Variants in RFX4 observed in about 807,000 individuals in gnomAD.
RFX4 encodes regulatory factor X4, also known as transcription factor RFX4.
RFX4 carries 10 observed loss-of-function variants against 95.0 expected under a neutral mutation model. That is an observed-to-expected ratio of 0.11 (90% CI 0.06 to 0.18). RFX4 has a LOEUF of 0.18. Among genes scored for constraint, RFX4 ranks in the 10% least tolerant of loss-of-function variants. The pLI is 1.00. For missense variants in RFX4, 640 were observed against 922.0 expected (o/e 0.69, Z 3.96); for synonymous variants, 321 against 340.7 (o/e 0.94, Z 0.64).
At position 106,586,261 on chromosome 12, in the gene RFX4, C is replaced by A. The variant is rs149043501; in HGVS notation, c.43+2898C>A. 6.6e-6 allele frequency among the ~76,000 whole-genome samples: 1 copy of A among 152,080 alleles called. No individual in the cohort carries two copies. Among genetic ancestry groups the A allele is most frequent in the Non-Finnish European group, 1.5e-5 (1 of 67,992 alleles). Reference sequence around the variant, plus strand: ...GCGCAGGCGCGCGTCCCGCTCGGCCCGCGCTACAGCCCCACGCCGCGCAAA... The same window carrying A: ...GCGCAGGCGCGCGTCCCGCTCGGCCAGCGCTACAGCCCCACGCCGCGCAAA... On this transcript the variant is annotated intron_variant, in intron 1 of 17. Transcript: ENST00000392842. The surrounding 1 kb of genome is among the most constrained non-coding windows in gnomAD (Gnocchi z 5.6).
intron 1 of RFX4, among the ~76,000 whole-genome samples, chr12:106,603,021 T>C (rs1409201302): frequency 1.3e-5 from 2 of 152,240 alleles, no homozygotes; most frequent in African/African-American, 4.8e-5. Context: ...CTGTGTAATA[T>C]ATGTGTGTCC....
intron 13 of RFX4, among the ~76,000 whole-genome samples, chr12:106,726,547 AC>A (rs1444442775): frequency 6.6e-6 from 1 of 152,244 alleles, no homozygotes; most frequent in East Asian, 1.9e-4. Context: ...CCTAAAAAAG[AC>A]AAAGACCTTA....
intron 2 of RFX4, among the ~76,000 whole-genome samples, chr12:106,628,952 T>C (rs1445471551): frequency 6.6e-6 from 1 of 151,888 alleles, no homozygotes; most frequent in African/African-American, 2.4e-5. Flanking sequence ...AGAGGCAAGG[T>C]CTTGCCGTGT....
chr12:106,690,768 C>T (rs1024529640), intron 7 of RFX4, among the ~76,000 whole-genome samples: 1 of 152,216 alleles, frequency 6.6e-6, no homozygotes, highest in Non-Finnish European at 1.5e-5. Flanking sequence ...CACGGCCCCA[C>T]CTTAATGCAG....
At chr12:106,722,974 T>C (rs772349937) in intron 13 of RFX4, among the ~76,000 whole-genome samples, 9 of 152,192 alleles carry the variant, frequency 5.9e-5, no homozygotes, top group Non-Finnish European at 1.0e-4. Context: ...CTATATATCT[T>C]ATAACTCCCA....
intron 4 of RFX4, among the ~76,000 whole-genome samples, chr12:106,665,326 T>G (rs961652884): frequency 6.6e-6 from 1 of 151,940 alleles, no homozygotes; most frequent in African/African-American, 2.4e-5. Flanking sequence ...TTGATTAGTA[T>G]TATCATAGTA....
At chr12:106,685,941 A>ACC (rs2041635745) in intron 5 of RFX4, among the ~76,000 whole-genome samples, 1 of 152,256 alleles carries the variant, frequency 6.6e-6, no homozygotes, top group Non-Finnish European at 1.5e-5. Flanking sequence ...GCTAAAATCT[A>ACC]AACAAAATGC....
Position 106,750,662 on chromosome 12 carries a change from G to A in RFX4, c.1804G>A (p.Gly602Arg). ...GTGCTTGATGCATTTTAGATACACG[G>A]GAAGCTATAACTATGGGAGCTATGG... ...YPHREEHGYT[G>R]SYNYGSYGNQ... The change falls in exon 17 of 18, where the codon GGA becomes AGA. Residue 602 changes from glycine to arginine, a missense_variant. By Grantham distance (125) the Gly-to-Arg change is moderately radical. Coordinates refer to ENST00000392842, the MANE Select transcript of RFX4 (RefSeq NM_213594.3). 6.2e-7 allele frequency: 1 copy of A among 1,603,500 alleles called. No homozygotes were observed. The highest frequency in any genetic ancestry group is 1.1e-5 in the South Asian group (1 of 89,450).
chr12:106,665,845 A>C (rs2041165864), intron 4 of RFX4, among the ~76,000 whole-genome samples: 1 of 151,998 alleles, frequency 6.6e-6, no homozygotes, highest in Non-Finnish European at 1.5e-5. Flanking sequence ...TATGTGTTTT[A>C]ATTGATATAC....
intron 2 of RFX4, among the ~76,000 whole-genome samples, chr12:106,630,988 A>G (rs2040407186): frequency 6.6e-6 from 1 of 152,176 alleles, no homozygotes; most frequent in Non-Finnish European, 1.5e-5. Flanking sequence ...GCCACTCACT[A>G]TGTGACCTCA....
intron 2 of RFX4, among the ~76,000 whole-genome samples, chr12:106,628,297 T>C (rs191999576): frequency 6.6e-6 from 1 of 152,264 alleles, no homozygotes; most frequent in East Asian, 1.9e-4. Flanking sequence ...AGTCTCTCCA[T>C]GGGGCCAAAA....
chr12:106,690,311 G>A (rs1271011657), intron 7 of RFX4, among the ~76,000 whole-genome samples: 2 of 152,120 alleles, frequency 1.3e-5, no homozygotes, highest in Non-Finnish European at 1.5e-5. Flanking sequence ...CTTCTAAAAT[G>A]TACTTTAAAA....
At chr12:106,652,459 GC>G (rs1252844583) in intron 3 of RFX4, among the ~76,000 whole-genome samples, 1 of 152,174 alleles carries the variant, frequency 6.6e-6, no homozygotes, top group Non-Finnish European at 1.5e-5. Context: ...CCTACTGTGT[GC>G]CAAGGAATAT....
In RFX4 at chr12:106,586,915, C is replaced by T. The variant is rs886265456; in HGVS notation, c.43+3552C>T. ...CTGCGGGCTTGGGAGAGCAAGGAGC[C>T]GGAGGTCCGAGCCTTGCTCCAGCGC... On this transcript the variant is annotated intron_variant, in intron 1 of 17. Coordinates refer to ENST00000392842, the MANE Select transcript of RFX4 (RefSeq NM_213594.3). The surrounding 1 kb of genome is among the most constrained non-coding windows in gnomAD (Gnocchi z 5.6). 6.6e-6 allele frequency among the ~76,000 whole-genome samples: 1 copy of T among 152,202 alleles called. No homozygotes were observed. The highest frequency in any genetic ancestry group is 1.5e-5 in the Non-Finnish European group (1 of 68,036).
intron 4 of RFX4, among the ~76,000 whole-genome samples, chr12:106,678,783 A>C (rs1483746206): frequency 6.6e-6 from 1 of 152,212 alleles, no homozygotes. Context: ...TTCATTTAAC[A>C]TTATAAGCAT....
intron 1 of RFX4, among the ~76,000 whole-genome samples, chr12:106,603,923 A>C (rs2039766304): frequency 6.6e-6 from 1 of 152,178 alleles, no homozygotes. Flanking sequence ...AGTTTTTAGA[A>C]AAAGCATGCA....
At chr12:106,719,921 A>G in intron 11 of RFX4, 39 bp from the exon 12 acceptor site, 2 of 1,483,172 alleles carry the variant, frequency 1.3e-6, no homozygotes, top group Non-Finnish European at 1.9e-6. Context: ...GTTAAATACA[A>G]CTGCAGTGAT....
chr12:106,726,777 A>G (rs888690908), intron 13 of RFX4, among the ~76,000 whole-genome samples: 9 of 151,920 alleles, frequency 5.9e-5, no homozygotes, highest in African/African-American at 2.2e-4. Context: ...TGACTCAACC[A>G]CACTTTTTTT....
intron 4 of RFX4, among the ~76,000 whole-genome samples, chr12:106,679,390 G>A (rs1448285690): frequency 6.6e-6 from 1 of 152,108 alleles, no homozygotes; most frequent in Non-Finnish European, 1.5e-5. Flanking sequence ...AGGAGGTGGA[G>A]GTTGCAGTGA....
Sources: allele counts gnomAD v4.1 joint callset (sites outside exome capture counted in the v4.1 genomes callset), GRCh38; gene constraint gnomAD v4.1.1; non-coding constraint Gnocchi (gnomAD v3.1); transcripts MANE v1.5; gene names NCBI Gene and HGNC (gene_info 2026-07-23, HGNC 2026-07-21).